HMGCLL1: variants seen among roughly 807,000 people sequenced by gnomAD.
The protein encoded by HMGCLL1 is 3-hydroxymethyl-3-methylglutaryl-CoA lyase, cytoplasmic.
A neutral mutation model predicts 39.1 loss-of-function variants in HMGCLL1; 36 were observed. The ratio of observed to expected loss-of-function variants is 0.92; its 90% CI spans 0.71 to 1.22. HMGCLL1 has a LOEUF of 1.22. HMGCLL1 is among the 50% of genes most tolerant of loss of function. The pLI is 0.00. For synonymous variants in HMGCLL1, 149 were observed against 144.0 expected, an observed-to-expected ratio of 1.03 and a Z score of -0.25; for missense variants, 451 against 416.5, an observed-to-expected ratio of 1.08 and a Z score of -0.72.
the HMGCLL1 span, among the ~76,000 whole-genome samples, chr6:55,625,207 T>C: frequency 4.6e-5 from 7 of 152,142 alleles, no homozygotes; most frequent in African/African-American, 1.7e-4. Context: ...ACTGGATGTT[T>C]GACTATGGGT....
chr6:55,539,706 T>C (rs1769233922), intron 3 of HMGCLL1, among the ~76,000 whole-genome samples: 1 of 149,254 alleles, frequency 6.7e-6, no homozygotes, highest in Non-Finnish European at 1.5e-5. Flanking sequence ...TATGGAAGAG[T>C]TGAGGGGGGG....
intron 7 of HMGCLL1, among the ~76,000 whole-genome samples, chr6:55,492,554 T>C (rs1766369694): frequency 6.6e-6 from 1 of 152,224 alleles, no homozygotes; most frequent in South Asian, 2.1e-4. Context: ...AAAGCAGTTG[T>C]GTATATGTCT....
the HMGCLL1 span, among the ~76,000 whole-genome samples, chr6:55,667,917 AT>A: frequency 4.0e-5 from 6 of 148,992 alleles, no homozygotes; most frequent in Middle Eastern, 6.8e-3. Context: ...TTATTTTTTG[AT>A]TTTTAAGTTG....
chr6:55,637,744 GTC>G, the HMGCLL1 span, among the ~76,000 whole-genome samples: 3 of 150,366 alleles, frequency 2.0e-5, no homozygotes, highest in Admixed American at 6.7e-5. Context: ...GTGTGTATGT[GTC>G]TGTGTGTGTC....
At chr6:55,637,731 T>TGC in the HMGCLL1 span, among the ~76,000 whole-genome samples, 4 of 151,460 alleles carry the variant, frequency 2.6e-5, no homozygotes, top group Admixed American at 6.6e-5. Flanking sequence ...TGTGTGTGTG[T>TGC]GTGTGTGTAT....
intron 7 of HMGCLL1, among the ~76,000 whole-genome samples, chr6:55,458,368 T>TA (rs1764416430): frequency 6.6e-6 from 1 of 152,122 alleles, no homozygotes; most frequent in South Asian, 2.1e-4. Context: ...ATAATAGTGA[T>TA]ACAGGAAAGC....
intron 3 of HMGCLL1, among the ~76,000 whole-genome samples, chr6:55,536,942 A>AAT (rs1769069454): frequency 6.6e-6 from 1 of 152,202 alleles, no homozygotes; most frequent in Non-Finnish European, 1.5e-5. Flanking sequence ...TGAGGAAAAA[A>AAT]ATATAAGATG....
At chr6:55,479,381 G>A (rs1765613833) in intron 7 of HMGCLL1, among the ~76,000 whole-genome samples, 1 of 151,414 alleles carries the variant, frequency 6.6e-6, no homozygotes, top group Non-Finnish European at 1.5e-5. Flanking sequence ...TATTTTGTTT[G>A]CATTATACTA....
intron 1 of HMGCLL1, among the ~76,000 whole-genome samples, chr6:55,570,365 T>C (rs1771416977): frequency 6.6e-6 from 1 of 152,190 alleles, no homozygotes; most frequent in Admixed American, 6.5e-5. Flanking sequence ...ACCTCTCCTG[T>C]AACCCTCTCA....
chr6:55,570,296 G>A (rs1162268121), intron 1 of HMGCLL1, among the ~76,000 whole-genome samples: 2 of 152,034 alleles, frequency 1.3e-5, no homozygotes, highest in African/African-American at 2.4e-5. Context: ...CCTCTTTACT[G>A]AACAGTCCTA....
chr6:55,628,199 G>GTA, the HMGCLL1 span, among the ~76,000 whole-genome samples: 7 of 68,532 alleles, frequency 1.0e-4, no homozygotes, highest in African/African-American at 2.8e-4. Context: ...TATATATATA[G>GTA]TATATCCTAT....
intron 7 of HMGCLL1, among the ~76,000 whole-genome samples, chr6:55,466,343 A>G (rs1251438582): frequency 6.6e-6 from 1 of 152,118 alleles, no homozygotes; most frequent in Admixed American, 6.6e-5. Context: ...CAAGTTCCAC[A>G]GGAAACTGAT....
intron 7 of HMGCLL1, among the ~76,000 whole-genome samples, chr6:55,446,795 A>G (rs925737317): frequency 2.0e-5 from 3 of 151,956 alleles, no homozygotes; most frequent in Non-Finnish European, 4.4e-5. Context: ...TAATCTATAT[A>G]TTCATGTTTT....
At chr6:55,624,500 G>T in the HMGCLL1 span, among the ~76,000 whole-genome samples, 2 of 152,286 alleles carry the variant, frequency 1.3e-5, no homozygotes, top group East Asian at 1.9e-4. Flanking sequence ...TACCACAGGG[G>T]TATATCATCT....
chr6:55,443,937 C>A (rs1317380874), intron 7 of HMGCLL1, among the ~76,000 whole-genome samples: 4 of 151,948 alleles, frequency 2.6e-5, no homozygotes, highest in Admixed American at 2.6e-4. Flanking sequence ...AAATAGACCA[C>A]ACTAATCAAA....
chr6:55,554,990 G>C (rs531667354), intron 1 of HMGCLL1, among the ~76,000 whole-genome samples: 2 of 152,266 alleles, frequency 1.3e-5, no homozygotes, highest in East Asian at 3.9e-4. Context: ...CACCTCCTCT[G>C]CAAGGCAGAA....
chr6:55,625,340 G>C, the HMGCLL1 span, among the ~76,000 whole-genome samples: 1 of 152,048 alleles, frequency 6.6e-6, no homozygotes, highest in Non-Finnish European at 1.5e-5. Context: ...TAAGTGACCG[G>C]ACTCGAGAAG....
chr6:55,501,367 G>A (rs1388160880), intron 5 of HMGCLL1, among the ~76,000 whole-genome samples: 1 of 151,674 alleles, frequency 6.6e-6, no homozygotes, highest in Non-Finnish European at 1.5e-5. Context: ...CTTATTTATG[G>A]CTGCTTTTAC....
At chr6:55,627,993 ATATATATAGT>A in the HMGCLL1 span, among the ~76,000 whole-genome samples, 4 of 15,460 alleles carry the variant, frequency 2.6e-4, no homozygotes, top group African/African-American at 6.1e-4. Context: ...TATATATATT[ATATATATAGT>A]TATATACTAT....
Sources: allele counts gnomAD v4.1 joint callset (sites outside exome capture counted in the v4.1 genomes callset), GRCh38; gene constraint gnomAD v4.1.1; transcripts MANE v1.5; gene names NCBI Gene and HGNC (gene_info 2026-07-23, HGNC 2026-07-21).